The following FOXP2 variants were observed in gnomAD, a reference collection of about 807,000 sequenced individuals.
FOXP2 encodes forkhead box protein P2.
A neutral mutation model predicts 115.8 loss-of-function variants in FOXP2; 12 were observed. The ratio of observed to expected loss-of-function variants is 0.10; its 90% CI spans 0.07 to 0.17. FOXP2 has a LOEUF of 0.17. FOXP2 is among the 10% of genes least tolerant of loss of function. The pLI is 1.00. For synonymous variants in FOXP2, 328 were observed against 297.7 expected (o/e 1.10, Z -1.05); for missense variants, 629 against 843.5 (o/e 0.75, Z 3.15).
At chr7:114,473,035 A>T (rs1474996604) in intron 2 of FOXP2, among the ~76,000 whole-genome samples, 2 of 152,220 alleles carry the variant, frequency 1.3e-5, no homozygotes, top group Non-Finnish European at 2.9e-5. Context: ...TAACCTTCGT[A>T]TTAACCACAC....
chr7:114,440,588 A>G (rs1460710670), intron 2 of FOXP2, among the ~76,000 whole-genome samples: 3 of 152,216 alleles, frequency 2.0e-5, no homozygotes, highest in African/African-American at 7.2e-5. Context: ...ACCCTCTTCA[A>G]TAAAACTAAT....
intron 2 of FOXP2, among the ~76,000 whole-genome samples, chr7:114,527,507 C>G (rs549683236): frequency 6.6e-6 from 1 of 152,090 alleles, no homozygotes; most frequent in East Asian, 1.9e-4. Flanking sequence ...GGTGTCTTTA[C>G]CAACAATCTA....
intron 16 of FOXP2, among the ~76,000 whole-genome samples, chr7:114,687,217 T>C (rs1177561809): frequency 2.0e-5 from 3 of 152,214 alleles, no homozygotes; most frequent in Non-Finnish European, 4.4e-5. Flanking sequence ...CCCTATGTTC[T>C]ACAAATCCAG....
chr7:114,488,530 G>C (rs1796895731), intron 2 of FOXP2, among the ~76,000 whole-genome samples: 1 of 152,030 alleles, frequency 6.6e-6, no homozygotes, highest in Non-Finnish European at 1.5e-5. Flanking sequence ...GAGACCACAG[G>C]ATTATAACAA....
chr7:114,655,553 G>T (rs1408418768), intron 10 of FOXP2, among the ~76,000 whole-genome samples: 1 of 152,014 alleles, frequency 6.6e-6, no homozygotes, highest in African/African-American at 2.4e-5. Context: ...TGCACTATTG[G>T]CCTCAGATCG....
At chr7:114,662,301 G>C (rs775981744) in intron 14 of FOXP2, 115 bp downstream of exon 14, 9 of 1,408,936 alleles carry the variant, frequency 6.4e-6, no homozygotes, top group Non-Finnish European at 8.9e-6. Context: ...TAACATTCTC[G>C]TGGCAATGAA....
chr7:114,493,233 G>T (rs1304691465), intron 2 of FOXP2, among the ~76,000 whole-genome samples: 1 of 151,946 alleles, frequency 6.6e-6, no homozygotes, highest in African/African-American at 2.4e-5. Context: ...GATTACAACC[G>T]CTGTCTTTTT....
chr7:114,588,617 TG>T (rs2129306431), intron 3 of FOXP2, among the ~76,000 whole-genome samples: 1 of 152,304 alleles, frequency 6.6e-6, no homozygotes, highest in South Asian at 2.1e-4. Context: ...GTATGGTCAC[TG>T]GTTGGATTTG....
intron 2 of FOXP2, among the ~76,000 whole-genome samples, chr7:114,377,831 G>A (rs1006841495): frequency 8.5e-5 from 13 of 152,190 alleles, no homozygotes; most frequent in African/African-American, 3.1e-4. Context: ...TGTTTTGGAA[G>A]AGGAAAGCTC....
chr7:114,382,164 C>T (rs1239686150), intron 2 of FOXP2, among the ~76,000 whole-genome samples: 1 of 152,060 alleles, frequency 6.6e-6, no homozygotes, highest in Non-Finnish European at 1.5e-5. Context: ...GTCCTAGGAC[C>T]CTTCGGACAG....
chr7:114,149,434 A>C (rs1792470804), intron 1 of FOXP2, among the ~76,000 whole-genome samples: 1 of 152,120 alleles, frequency 6.6e-6, no homozygotes, highest in Non-Finnish European at 1.5e-5. Context: ...TTTCACTATG[A>C]AAACAAACCA....
chr7:114,486,065 T>C (rs923710274), intron 2 of FOXP2, among the ~76,000 whole-genome samples: 1 of 152,152 alleles, frequency 6.6e-6, no homozygotes, highest in African/African-American at 2.4e-5. Context: ...TAAAACATAT[T>C]TTGAACCATA....
chr7:114,518,470 C>T (rs960706735), intron 2 of FOXP2, among the ~76,000 whole-genome samples: 6 of 151,870 alleles, frequency 4.0e-5, no homozygotes, highest in African/African-American at 1.5e-4. Flanking sequence ...CTAAGAATTG[C>T]CTGTAACAGT....
chr7:114,683,308 A>C (rs530513690), intron 16 of FOXP2, among the ~76,000 whole-genome samples: 15 of 152,304 alleles, frequency 9.8e-5, no homozygotes, highest in African/African-American at 3.6e-4. Context: ...TGGCAAGATA[A>C]AGTATAGCTA....
chr7:114,159,463 T>C (rs1792768197), upstream of FOXP2, among the ~76,000 whole-genome samples: 1 of 151,490 alleles, frequency 6.6e-6, no homozygotes, highest in Admixed American at 6.6e-5. Context: ...ACAAATGATT[T>C]TTTTTTCATG....
At chr7:114,352,252 G>T (rs1355522272) in intron 2 of FOXP2, among the ~76,000 whole-genome samples, 1 of 151,188 alleles carries the variant, frequency 6.6e-6, no homozygotes, top group Non-Finnish European at 1.5e-5. Context: ...GGGCAACAGA[G>T]TGAGACCCTC....
chr7:114,678,467 C>A (rs1377779481), intron 16 of FOXP2, among the ~76,000 whole-genome samples: 2 of 151,538 alleles, frequency 1.3e-5, no homozygotes, highest in African/African-American at 4.8e-5. Flanking sequence ...CTTAGCAAGA[C>A]CCTCAAGGGT....
rs560183791 is a variant in FOXP2, at chr7:114,182,835, G to T, written c.-102+19747G>T. 3.3e-5 allele frequency among the ~76,000 whole-genome samples: 5 copies of T among 151,918 alleles called. No homozygotes were observed. In the South Asian group the frequency reaches 1.0e-3, roughly 32 times the overall value. ...TGATTAGGAAAAATGATTATTTTTT[G>T]TATATTTATACATAATGTACATATT... On this transcript the variant is annotated intron_variant, in intron 1 of 17. Transcript: ENST00000634411.
chr7:114,387,747 A>G (rs1792488476), intron 2 of FOXP2, among the ~76,000 whole-genome samples: 2 of 152,208 alleles, frequency 1.3e-5, no homozygotes, highest in Admixed American at 6.5e-5. Flanking sequence ...AAGATTTACT[A>G]TTTCTTAATG....
Sources: gnomAD v4.1 joint callset for allele counts (sites outside exome capture counted in the v4.1 genomes callset) on GRCh38, gnomAD v4.1.1 for gene constraint, MANE v1.5 for transcripts, NCBI Gene and HGNC (gene_info 2026-07-23, HGNC 2026-07-21) for gene names.